FCHO2: variants seen among roughly 807,000 people sequenced by gnomAD.
FCHO2 encodes the protein F-BAR domain only protein 2.
A neutral mutation model predicts 114.1 loss-of-function variants in FCHO2; 43 were observed. That is an observed-to-expected ratio of 0.38 (90% confidence interval 0.30 to 0.49). The LOEUF (loss-of-function observed/expected upper bound fraction) is 0.49. Among genes scored for constraint, FCHO2 ranks in the 20% least tolerant of loss-of-function variants. The pLI is 0.97. For synonymous variants in FCHO2, 293 were observed against 315.2 expected (o/e 0.93, Z 0.75); for missense variants, 807 against 950.4 (o/e 0.85, Z 1.98).
chr5:72,975,343 T>C (rs1263540144), intron 2 of FCHO2, among the ~76,000 whole-genome samples: 2 of 152,130 alleles, frequency 1.3e-5, no homozygotes, highest in Admixed American at 6.5e-5. Flanking sequence ...ATTGATTGAT[T>C]TGAGACAGGG....
chr5:72,967,738 C>T (rs986862560), intron 1 of FCHO2, among the ~76,000 whole-genome samples: 3 of 151,782 alleles, frequency 2.0e-5, no homozygotes, highest in African/African-American at 4.8e-5. Context: ...TCCTGTTTCA[C>T]CCTCCCAAGT....
chr5:72,968,374 A>G (rs1752322677), intron 1 of FCHO2, 124 bp from the exon 2 acceptor site: 1 of 605,578 alleles, frequency 1.7e-6, no homozygotes, highest in African/African-American at 1.9e-5. Context: ...ACAATAAATG[A>G]GAAAAATTTA....
intron 1 of FCHO2, among the ~76,000 whole-genome samples, chr5:72,966,959 C>T (rs527284219): frequency 6.6e-6 from 1 of 152,230 alleles, no homozygotes; most frequent in Non-Finnish European, 1.5e-5. Flanking sequence ...TAGAGGTTTT[C>T]CAGGATTGTG....
In FCHO2 at chr5:73,020,772, T is replaced by C. The variant is rs538245210; in HGVS notation, c.796+3464T>C. On this transcript the variant is annotated intron_variant, in intron 8 of 25. Coordinates refer to ENST00000430046, the MANE Select transcript of FCHO2 (RefSeq NM_138782.3). ...AAACCTTAACAAATTCTGTGAGAGA[T>C]ATGGCACTGTCCCCATCCTGATCAG... 3.9e-6 allele frequency: 4 copies of C among 1,027,436 alleles called. No homozygotes were observed. In the South Asian group the frequency reaches 5.1e-5, roughly 13 times the overall value. The allele number at this position is 1,027,436 out of a possible 1,614,324, so 63.6% of individuals were successfully genotyped here.
intron 15 of FCHO2, among the ~76,000 whole-genome samples, chr5:73,055,329 A>G (rs1360743339): frequency 6.6e-6 from 1 of 152,166 alleles, no homozygotes; most frequent in Non-Finnish European, 1.5e-5. Flanking sequence ...AAACTGAGCC[A>G]AGTGAAGAAT....
At chr5:72,966,826 C>T (rs751676238) in intron 1 of FCHO2, among the ~76,000 whole-genome samples, 8 of 152,326 alleles carry the variant, frequency 5.3e-5, no homozygotes, top group Non-Finnish European at 1.0e-4. Flanking sequence ...ATAAAAACTG[C>T]TGCCTGTAAA....
Position 73,054,518 on chromosome 5 carries a change from G to A in FCHO2, c.1186-7G>A. On this transcript the variant is annotated splice_polypyrimidine_tract_variant and splice_region_variant and intron_variant, in intron 14 of 25. Transcript: ENST00000430046. ...TTTATGGTACCTATTTTGCATCTCT[G>A]TTTTAGGTACAGATGAATCGGAATT... 1 of 1,539,514 alleles carries A rather than the reference G, an allele frequency of 6.5e-7. No individual in the cohort carries two copies. The highest frequency in any genetic ancestry group is 8.8e-7 in the Non-Finnish European group (1 of 1,141,438).
At chr5:73,010,535 T>C (rs1430917943) in intron 6 of FCHO2, among the ~76,000 whole-genome samples, 1 of 152,136 alleles carries the variant, frequency 6.6e-6, no homozygotes. Flanking sequence ...GGATACACTT[T>C]AAGAAATGTC....
At chr5:73,029,122 C>G (rs6866724) in intron 8 of FCHO2, among the ~76,000 whole-genome samples, 29 of 152,248 alleles carry the variant, frequency 1.9e-4, no homozygotes, top group African/African-American at 7.0e-4. Context: ...ATTCATTAAA[C>G]TGTACAATTT....
intron 2 of FCHO2, among the ~76,000 whole-genome samples, chr5:72,982,663 T>C (rs1935959301): frequency 6.6e-6 from 1 of 152,174 alleles, no homozygotes; most frequent in African/African-American, 2.4e-5. Flanking sequence ...GATATTGGAA[T>C]GCGTTTAGAT....
chr5:72,964,906 G>A (rs1290657151), intron 1 of FCHO2, among the ~76,000 whole-genome samples: 1 of 151,876 alleles, frequency 6.6e-6, no homozygotes, highest in Non-Finnish European at 1.5e-5. Flanking sequence ...ATCTCACTGT[G>A]TCCTGTTTGG....
Position 72,956,051 on chromosome 5 carries a change from A to G in FCHO2, c.-46A>G, listed in dbSNP as rs1215699121. 2.6e-6 allele frequency: 4 copies of G among 1,537,604 alleles called. No individual in the cohort carries two copies. In the South Asian group the frequency reaches 4.9e-5, roughly 19 times the overall value. ...TGTGGGGGCCGGGCCGTGTTTACAC[A>G]GCGGCGGGCGGGCGCGGACGCGGAA... On this transcript the variant is annotated 5_prime_UTR_variant, in exon 1 of 26. Coordinates refer to ENST00000430046, the MANE Select transcript of FCHO2 (RefSeq NM_138782.3).
chr5:72,968,396 C>T, intron 1 of FCHO2, 102 bp from the exon 2 acceptor site: 1 of 712,980 alleles, frequency 1.4e-6, no homozygotes, highest in East Asian at 3.2e-5. Context: ...GAAAACACCT[C>T]ACCTGAGCAC....
chr5:73,064,227 T>C (rs1184012071), intron 18 of FCHO2, among the ~76,000 whole-genome samples: 1 of 151,984 alleles, frequency 6.6e-6, no homozygotes, highest in Non-Finnish European at 1.5e-5. Context: ...AAAGAAGCGG[T>C]TTTCATATAA....
chr5:73,055,977 TTGAGA>T (rs1757574445), intron 15 of FCHO2, 83 bp from the exon 16 acceptor site: 7 of 850,536 alleles, frequency 8.2e-6, no homozygotes, highest in African/African-American at 1.7e-5. Context: ...TGTTATAGTG[TTGAGA>T]TATGTGTATA....
chr5:72,979,162 T>A (rs953891196), intron 2 of FCHO2, among the ~76,000 whole-genome samples: 2 of 152,262 alleles, frequency 1.3e-5, no homozygotes, highest in Middle Eastern at 3.4e-3. Context: ...TTTTCTATTG[T>A]TTGGAATAGT....
At chr5:72,986,373 G>A (rs1169621685) in intron 2 of FCHO2, among the ~76,000 whole-genome samples, 1 of 152,004 alleles carries the variant, frequency 6.6e-6, no homozygotes, top group Non-Finnish European at 1.5e-5. Flanking sequence ...TACCTTTAGT[G>A]GACCTGAACT....
chr5:73,004,096 C>G (rs552751024), intron 5 of FCHO2, among the ~76,000 whole-genome samples: 24 of 147,944 alleles, frequency 1.6e-4, no homozygotes, highest in African/African-American at 6.0e-4. Context: ...GACTGTAGGT[C>G]GTTTGATTGC....
intron 8 of FCHO2, among the ~76,000 whole-genome samples, chr5:73,023,244 C>T (rs1249384825): frequency 6.6e-6 from 1 of 152,144 alleles, no homozygotes; most frequent in Non-Finnish European, 1.5e-5. Context: ...ATATGTATTT[C>T]AGGTGTAGGA....
Sources: allele counts gnomAD v4.1 joint callset (sites outside exome capture counted in the v4.1 genomes callset), GRCh38; gene constraint gnomAD v4.1.1; transcripts MANE v1.5; gene names NCBI Gene and HGNC (gene_info 2026-07-23, HGNC 2026-07-21).